The following CADM1 variants were observed in gnomAD, a reference collection of about 807,000 sequenced individuals.
CADM1 encodes TSLC-1.
Under a neutral mutation model 53.1 loss-of-function variants are expected in CADM1, and 15 were observed. That is an observed-to-expected ratio of 0.28 (90% CI 0.19 to 0.44). CADM1 has a LOEUF of 0.44. CADM1 is among the 20% of genes least tolerant of loss of function. CADM1 has a pLI of 1.00. For missense variants in CADM1, 434 were observed against 611.3 expected (o/e 0.71, Z 3.06); for synonymous variants, 281 against 243.0 (o/e 1.16, Z -1.45).
intron 10 of CADM1, among the ~76,000 whole-genome samples, chr11:115,183,491 C>T (rs1373661385): frequency 6.6e-6 from 1 of 152,208 alleles, no homozygotes; most frequent in Non-Finnish European, 1.5e-5. Context: ...CAAATAGGGA[C>T]TTTGGCAGAA....
chr11:115,351,443 GTCC>G (rs1158983687), intron 1 of CADM1, among the ~76,000 whole-genome samples: 1 of 152,182 alleles, frequency 6.6e-6, no homozygotes. Flanking sequence ...GCCACTTGGA[GTCC>G]CAGGGTACAG....
At chr11:115,213,242 C>T (rs1941037742) in intron 7 of CADM1, among the ~76,000 whole-genome samples, 3 of 152,188 alleles carry the variant, frequency 2.0e-5, no homozygotes, top group African/African-American at 7.2e-5. Flanking sequence ...GCCGAGCAGT[C>T]TGTGGAAAGA....
chr11:115,413,841 C>T (rs975236994), intron 1 of CADM1, among the ~76,000 whole-genome samples: 1 of 151,944 alleles, frequency 6.6e-6, no homozygotes, highest in African/African-American at 2.4e-5. Context: ...AATGGGGTTT[C>T]ACCATGTTGG....
At chr11:115,473,741 A>G (rs1390477536) in intron 1 of CADM1, among the ~76,000 whole-genome samples, 3 of 151,878 alleles carry the variant, frequency 2.0e-5, no homozygotes, top group African/African-American at 2.4e-5. Flanking sequence ...AACTTTTAGG[A>G]AAAAAAACAA....
At chr11:115,240,160 TA>T in intron 2 of CADM1, 113 bp downstream of exon 2, 2 of 961,310 alleles carry the variant, frequency 2.1e-6, no homozygotes, top group Non-Finnish European at 1.6e-6. Context: ...AAGAACTGAC[TA>T]AACTTTAAGC....
At chr11:115,379,604 T>C (rs1489692209) in intron 1 of CADM1, among the ~76,000 whole-genome samples, 5 of 152,314 alleles carry the variant, frequency 3.3e-5, no homozygotes, top group Middle Eastern at 3.4e-3. Context: ...GCCCCTTACA[T>C]TGAACAGGGA....
chr11:115,430,408 T>C (rs1255010067), intron 1 of CADM1, among the ~76,000 whole-genome samples: 2 of 152,196 alleles, frequency 1.3e-5, no homozygotes, highest in Non-Finnish European at 2.9e-5. Context: ...AAAAATAAAT[T>C]CCATCAACAT....
At chr11:115,431,346 A>G (rs1046631147) in intron 1 of CADM1, among the ~76,000 whole-genome samples, 1 of 152,032 alleles carries the variant, frequency 6.6e-6, no homozygotes, top group Non-Finnish European at 1.5e-5. Flanking sequence ...ACACTTTTCA[A>G]TTCCACCTAC....
chr11:115,456,917 C>CTGTT (rs1319523827), intron 1 of CADM1, among the ~76,000 whole-genome samples: 1 of 152,164 alleles, frequency 6.6e-6, no homozygotes, highest in Non-Finnish European at 1.5e-5. Context: ...GTTGATCATG[C>CTGTT]TGTTCCCTCT....
chr11:115,175,627 G>T lies in CADM1; in HGVS notation c.*847C>A. 9 of 985,610 alleles carry T rather than the reference G, an allele frequency of 9.1e-6. No individual in the cohort carries two copies. Among genetic ancestry groups the T allele is most frequent in the Non-Finnish European group, 1.1e-5 (9 of 829,980 alleles). 61.1% of individuals were successfully genotyped at this position (985,610 alleles called of 1,614,324 possible). On this transcript the variant is annotated 3_prime_UTR_variant, in exon 12 of 12. Coordinates refer to ENST00000331581, the MANE Select transcript of CADM1 (RefSeq NM_001301043.2). ...GTCTGTTTAGGGCATGGAAAAAGGAGGAGTCCTTTCTGCCCCAAACCTTTC... is the reference window on the plus strand; with the variant it reads ...GTCTGTTTAGGGCATGGAAAAAGGATGAGTCCTTTCTGCCCCAAACCTTTC...
chr11:115,241,810 G>C (rs751981541), intron 1 of CADM1, among the ~76,000 whole-genome samples: 4 of 151,976 alleles, frequency 2.6e-5, no homozygotes, highest in African/African-American at 4.8e-5. Flanking sequence ...ACACCAACTC[G>C]GGGCAGATTA....
intron 1 of CADM1, among the ~76,000 whole-genome samples, chr11:115,407,858 T>C (rs545627744): frequency 2.2e-3 from 184 of 82,274 alleles, no homozygotes; most frequent in African/African-American, 8.4e-3. Context: ...AGAAGGAAAG[T>C]AAGACCCTGT....
intron 7 of CADM1, among the ~76,000 whole-genome samples, chr11:115,213,067 A>G (rs1363154825): frequency 1.3e-5 from 2 of 152,234 alleles, no homozygotes; most frequent in South Asian, 2.1e-4. Flanking sequence ...CACATAACAG[A>G]CTAATGGAAA....
chr11:115,351,701 C>G (rs1945741923), intron 1 of CADM1, among the ~76,000 whole-genome samples: 1 of 152,174 alleles, frequency 6.6e-6, no homozygotes, highest in Admixed American at 6.5e-5. Context: ...TCTGGACACA[C>G]AGAAAACATT....
intron 5 of CADM1, among the ~76,000 whole-genome samples, chr11:115,225,274 C>T (rs1295653182): frequency 6.7e-6 from 1 of 149,132 alleles, no homozygotes; most frequent in African/African-American, 2.4e-5. Flanking sequence ...TAACTGAACA[C>T]TTGGCTGATT....
intron 1 of CADM1, among the ~76,000 whole-genome samples, chr11:115,291,749 T>C (rs1427729442): frequency 6.6e-6 from 1 of 152,198 alleles, no homozygotes; most frequent in African/African-American, 2.4e-5. Flanking sequence ...CAAGAGAATA[T>C]TAATTAATAC....
chr11:115,384,745 C>T (rs999329892), intron 1 of CADM1, among the ~76,000 whole-genome samples: 8 of 152,088 alleles, frequency 5.3e-5, no homozygotes, highest in East Asian at 1.9e-4. Context: ...CACCTACAAA[C>T]GTACAGTCTG....
At chr11:115,484,675 C>T (rs923967447) in intron 1 of CADM1, among the ~76,000 whole-genome samples, 1 of 151,976 alleles carries the variant, frequency 6.6e-6, no homozygotes, top group African/African-American at 2.4e-5. Context: ...GGGCCGGGCG[C>T]GGTGGCTCAT....
At chr11:115,432,325 C>T (rs148339547) in intron 1 of CADM1, among the ~76,000 whole-genome samples, 93 of 152,268 alleles carry the variant, frequency 6.1e-4, no homozygotes, top group Non-Finnish European at 1.0e-3. Flanking sequence ...GTCCCTTTCT[C>T]CCCATCCCAC....
Sources: allele counts gnomAD v4.1 joint callset (sites outside exome capture counted in the v4.1 genomes callset), GRCh38; gene constraint gnomAD v4.1.1; transcripts MANE v1.5; gene names NCBI Gene and HGNC (gene_info 2026-07-23, HGNC 2026-07-21).